Variants in TRIM2 observed in about 807,000 individuals in gnomAD.
TRIM2 encodes the protein tripartite motif containing 2.
TRIM2 carries 20 observed loss-of-function variants against 75.2 expected under a neutral mutation model. That is an observed-to-expected ratio of 0.27 (90% CI 0.19 to 0.39). The LOEUF (loss-of-function observed/expected upper bound fraction) is 0.39, where lower values mean the gene tolerates loss of function less well. TRIM2 is among the 10% of genes least tolerant of loss of function. The pLI is 1.00. For missense variants in TRIM2, 660 were observed against 990.8 expected (o/e 0.67, Z 4.48); for synonymous variants, 373 against 388.3 (o/e 0.96, Z 0.46).
intron 1 of TRIM2, among the ~76,000 whole-genome samples, chr4:153,206,076 C>T (rs1034437058): frequency 2.8e-4 from 43 of 152,306 alleles, no homozygotes; most frequent in African/African-American, 9.9e-4. Flanking sequence ...CACCGCAGGC[C>T]TCACAAATCC....
chr4:153,285,878 T>C (rs1760513827), intron 3 of TRIM2, among the ~76,000 whole-genome samples: 1 of 152,184 alleles, frequency 6.6e-6, no homozygotes, highest in South Asian at 2.1e-4. Flanking sequence ...TTTCTTTTTC[T>C]TGCCTAAATG....
At position 153,248,003 on chromosome 4, in the gene TRIM2, T is replaced by TG. The variant is rs1298213434; in HGVS notation, c.31-22332_31-22331insG. Among the ~76,000 whole-genome samples, 2 of 150,912 alleles carry TG rather than the reference T, an allele frequency of 1.3e-5. No homozygotes were observed. The highest frequency in any genetic ancestry group is 3.0e-5 in the Non-Finnish European group (2 of 67,768). On this transcript the variant is annotated intron_variant, in intron 1 of 11. Coordinates refer to ENST00000338700, the MANE Select transcript of TRIM2 (RefSeq NM_015271.5). The surrounding 1 kb of genome is among the most constrained non-coding windows in gnomAD (Gnocchi z 4.0). ...CAGGCATTGGATCATGTGTTTTTTT[T>TG]TTTTTTTTTTGAGATGGAGTCTCGC...
At chr4:153,203,727 A>T (rs1734714666), upstream of TRIM2, among the ~76,000 whole-genome samples, 1 of 152,106 alleles carries the variant, frequency 6.6e-6, no homozygotes. Context: ...CCCCGTCTCT[A>T]CTAAAAATAC....
At chr4:153,334,385 T>C (rs993486070) in intron 11 of TRIM2, among the ~76,000 whole-genome samples, 6 of 151,816 alleles carry the variant, frequency 4.0e-5, no homozygotes, top group Non-Finnish European at 8.8e-5. Flanking sequence ...TGTTTTGCTT[T>C]TTTTTTTTTC....
chr4:153,211,513 G>T (rs1391923435), intron 1 of TRIM2, among the ~76,000 whole-genome samples: 1 of 148,066 alleles, frequency 6.8e-6, no homozygotes, highest in Non-Finnish European at 1.5e-5. Flanking sequence ...TTTGAGACAG[G>T]GTTGCACACT....
At chr4:153,213,559 G>A (rs752407831) in intron 1 of TRIM2, among the ~76,000 whole-genome samples, 2 of 151,964 alleles carry the variant, frequency 1.3e-5, no homozygotes, top group Non-Finnish European at 2.9e-5. Context: ...ACAGAGTCTC[G>A]CTCTGTCGCC....
intron 1 of TRIM2, among the ~76,000 whole-genome samples, chr4:153,228,108 G>A (rs1040915286): frequency 6.6e-6 from 1 of 152,180 alleles, no homozygotes. Flanking sequence ...CCCACAGAAA[G>A]TGGATAAAAG....
At chr4:153,165,867 TATTA>T (rs1414123663) in intron 1 of TRIM2, among the ~76,000 whole-genome samples, 3 of 152,194 alleles carry the variant, frequency 2.0e-5, no homozygotes, top group African/African-American at 7.2e-5. Flanking sequence ...GGGGTTTTTC[TATTA>T]ATTATTTTGA....
At chr4:153,285,111 G>A (rs576858089) in intron 3 of TRIM2, among the ~76,000 whole-genome samples, 16 of 152,194 alleles carry the variant, frequency 1.1e-4, no homozygotes, top group South Asian at 4.2e-4. Context: ...GTTAATTTTT[G>A]TATGTGGTTT....
chr4:153,162,593 C>A (rs1047839790), intron 1 of TRIM2, among the ~76,000 whole-genome samples: 1 of 152,230 alleles, frequency 6.6e-6, no homozygotes, highest in Non-Finnish European at 1.5e-5. Context: ...CATAGAAATA[C>A]CCAGAATAAT....
At chr4:153,267,061 G>A (rs374108100) in intron 1 of TRIM2, 1 of 138,118 alleles carries the variant, frequency 7.2e-6, no homozygotes, top group East Asian at 2.0e-4. Flanking sequence ...AAAATTTGGT[G>A]ACTTGGTAGG....
At chr4:153,204,360 A>G, upstream of TRIM2, 1 of 674,578 alleles carries the variant, frequency 1.5e-6, no homozygotes, top group East Asian at 2.7e-5. Context: ...ATTGGCTCTC[A>G]TTGTCCCCTG....
chr4:153,182,250 T>A (rs1037270783), intron 1 of TRIM2, among the ~76,000 whole-genome samples: 1 of 152,220 alleles, frequency 6.6e-6, no homozygotes, highest in African/African-American at 2.4e-5. Context: ...TACCATTGGA[T>A]CTGCAGATGC....
chr4:153,167,699 C>T (rs1039873446), intron 1 of TRIM2, among the ~76,000 whole-genome samples: 6 of 152,160 alleles, frequency 3.9e-5, no homozygotes, highest in African/African-American at 1.2e-4. Flanking sequence ...TGCAGTGAAT[C>T]CTACACCCTC....
chr4:153,252,764 T>C (rs1751176221), intron 1 of TRIM2, among the ~76,000 whole-genome samples: 1 of 152,208 alleles, frequency 6.6e-6, no homozygotes, highest in Non-Finnish European at 1.5e-5. Context: ...CACTTCAGCC[T>C]CCCAAAGTGC....
At chr4:153,235,188 C>T (rs1193495915) in intron 1 of TRIM2, among the ~76,000 whole-genome samples, 1 of 152,164 alleles carries the variant, frequency 6.6e-6, no homozygotes, top group South Asian at 2.1e-4. Context: ...TCATTGGTGA[C>T]AGCTGTGTGA....
At position 153,292,426 on chromosome 4, in the gene TRIM2, G is replaced by A. The variant is rs1039037217; in HGVS notation, c.454-556G>A. ...ATTAAATACTTTAAAATTTTTATCC[G>A]TTCTAATTTTTAAAAATTTGATTAA... is the stretch of plus-strand genomic sequence containing the variant. On this transcript the variant is annotated intron_variant, in intron 3 of 11. Transcript: ENST00000338700. Among the ~76,000 whole-genome samples the A allele has an allele frequency of 1.4e-4, 21 of 151,862 alleles. No homozygotes were observed. In the South Asian group the frequency reaches 2.1e-3, roughly 15 times the overall value.
At chr4:153,196,766 A>G (rs1733822688) in intron 1 of TRIM2, among the ~76,000 whole-genome samples, 1 of 152,138 alleles carries the variant, frequency 6.6e-6, no homozygotes, top group Admixed American at 6.5e-5. Context: ...GGGTCCTGGG[A>G]TTAATTCTGA....
chr4:153,337,012 G>A lies in TRIM2; in HGVS notation c.*2046G>A, dbSNP rs1330505329. On this transcript the variant is annotated 3_prime_UTR_variant, in exon 12 of 12. Coordinates refer to ENST00000338700, the MANE Select transcript of TRIM2 (RefSeq NM_015271.5). Reference sequence around the variant, plus strand: ...CTACTAGGTACCAAGTACTCTTTTAGGCACTGGAAATACAGTGATGGACAA... The same window carrying A: ...CTACTAGGTACCAAGTACTCTTTTAAGCACTGGAAATACAGTGATGGACAA... The A allele has an allele frequency of 1.4e-5, 14 of 981,056 alleles. No individual in the cohort carries two copies. The highest frequency in any genetic ancestry group is 1.7e-5 in the Non-Finnish European group (14 of 826,112). 60.8% of individuals were successfully genotyped at this position (981,056 alleles called of 1,614,324 possible).
Sources: allele counts gnomAD v4.1 joint callset (sites outside exome capture counted in the v4.1 genomes callset), GRCh38; gene constraint gnomAD v4.1.1; non-coding constraint Gnocchi (gnomAD v3.1); transcripts MANE v1.5; gene names NCBI Gene and HGNC (gene_info 2026-07-23, HGNC 2026-07-21).